Variants in EPHA3 observed in about 807,000 individuals in gnomAD.
EPHA3 encodes the protein EPH receptor A3.
A neutral mutation model predicts 107.1 loss-of-function variants in EPHA3; 42 were observed. That is an observed-to-expected ratio of 0.39 (90% CI 0.31 to 0.51). EPHA3 has a LOEUF of 0.51. EPHA3 is among the 20% of genes least tolerant of loss of function. The probability of loss-of-function intolerance (pLI) is 0.78; values close to 1 mark genes in which losing one functional copy is unlikely to be tolerated. For synonymous variants in EPHA3, 461 were observed against 424.8 expected (o/e 1.09, Z -1.05); for missense variants, 1,183 against 1,211.2 (o/e 0.98, Z 0.35).
chr3:89,457,087 T>G (rs1000808028), intron 15 of EPHA3, among the ~76,000 whole-genome samples: 4 of 152,172 alleles, frequency 2.6e-5, no homozygotes, highest in African/African-American at 9.6e-5. Context: ...GGTATTTGTA[T>G]GCAAAAGGGA....
intron 2 of EPHA3, among the ~76,000 whole-genome samples, chr3:89,160,411 G>C (rs547316283): frequency 1.5e-4 from 23 of 152,074 alleles, no homozygotes; most frequent in African/African-American, 5.5e-4. Context: ...AATAAAATGA[G>C]ACTTCATGTG....
intron 3 of EPHA3, among the ~76,000 whole-genome samples, chr3:89,274,600 G>T (rs994202127): frequency 6.6e-6 from 1 of 151,972 alleles, no homozygotes; most frequent in African/African-American, 2.4e-5. Flanking sequence ...ATGTTTAAAA[G>T]AGATATCGGT....
intron 3 of EPHA3, among the ~76,000 whole-genome samples, chr3:89,255,194 T>C (rs986763170): frequency 1.4e-4 from 22 of 152,238 alleles, no homozygotes; most frequent in African/African-American, 5.1e-4. Context: ...AGAAATATTT[T>C]ACCTCAAGAC....
chr3:89,323,972 C>G (rs1427917633), intron 3 of EPHA3, among the ~76,000 whole-genome samples: 1 of 151,532 alleles, frequency 6.6e-6, no homozygotes, highest in Non-Finnish European at 1.5e-5. Flanking sequence ...TTTTGCAGTA[C>G]AAATACTATA....
intron 3 of EPHA3, among the ~76,000 whole-genome samples, chr3:89,300,240 C>T (rs1462867815): frequency 6.6e-6 from 1 of 151,732 alleles, no homozygotes; most frequent in East Asian, 1.9e-4. Flanking sequence ...GATAGTATTA[C>T]TCCAGTTATA....
At chr3:89,342,911 G>A (rs1317160179) in intron 5 of EPHA3, among the ~76,000 whole-genome samples, 1 of 151,178 alleles carries the variant, frequency 6.6e-6, no homozygotes, top group Non-Finnish European at 1.5e-5. Flanking sequence ...TGGAGCCAAA[G>A]GGAGAGGGAA....
chr3:89,411,113 T>C (rs1050600494), intron 9 of EPHA3, among the ~76,000 whole-genome samples: 14 of 151,806 alleles, frequency 9.2e-5, no homozygotes, highest in African/African-American at 3.4e-4. Context: ...TATCAATACA[T>C]TGAGTGAGAA....
At chr3:89,287,920 T>G (rs1706127763) in intron 3 of EPHA3, among the ~76,000 whole-genome samples, 2 of 152,118 alleles carry the variant, frequency 1.3e-5, no homozygotes, top group Non-Finnish European at 2.9e-5. Flanking sequence ...CATCTTTTAT[T>G]TTTTCTGACA....
chr3:89,160,216 A>T (rs1704899490), intron 2 of EPHA3, among the ~76,000 whole-genome samples: 1 of 152,062 alleles, frequency 6.6e-6, no homozygotes, highest in South Asian at 2.1e-4. Context: ...ATCAGAATGG[A>T]TCTCACATTT....
chr3:89,290,501 A>G (rs78630252), intron 3 of EPHA3, among the ~76,000 whole-genome samples: 5 of 152,194 alleles, frequency 3.3e-5, no homozygotes, highest in African/African-American at 1.2e-4. Flanking sequence ...ATAGTAAGTT[A>G]TGAAAAAGGA....
chr3:89,410,330 T>C (rs1238264721), intron 9 of EPHA3, among the ~76,000 whole-genome samples: 2 of 152,018 alleles, frequency 1.3e-5, no homozygotes, highest in African/African-American at 2.4e-5. Flanking sequence ...ATATATTCTC[T>C]ACAAGCTGAC....
At chr3:89,145,039 C>A (rs1426306953) in intron 2 of EPHA3, among the ~76,000 whole-genome samples, 2 of 151,596 alleles carry the variant, frequency 1.3e-5, no homozygotes, top group Non-Finnish European at 1.5e-5. Flanking sequence ...AATTTACCCT[C>A]ATAAAATAAG....
At chr3:89,413,298 A>G in intron 10 of EPHA3, 32 bp downstream of exon 10, 2 of 1,610,316 alleles carry the variant, frequency 1.2e-6, no homozygotes, top group Non-Finnish European at 1.7e-6. Flanking sequence ...CCAACTTAGT[A>G]CTGTATGTGA....
chr3:89,397,641 T>A (rs1297287294), intron 6 of EPHA3, among the ~76,000 whole-genome samples: 1 of 147,682 alleles, frequency 6.8e-6, no homozygotes, highest in Non-Finnish European at 1.5e-5. Flanking sequence ...TGGAGTGCAA[T>A]GGCATGATCT....
chr3:89,220,110 A>G (rs1316415386), intron 3 of EPHA3, among the ~76,000 whole-genome samples: 1 of 152,136 alleles, frequency 6.6e-6, no homozygotes, highest in Non-Finnish European at 1.5e-5. Flanking sequence ...TGCACAGGGC[A>G]ATGTTTATAG....
chr3:89,334,979 TA>T (rs1707362644), intron 3 of EPHA3, among the ~76,000 whole-genome samples: 1 of 152,160 alleles, frequency 6.6e-6, no homozygotes, highest in Non-Finnish European at 1.5e-5. Flanking sequence ...AAGTGACATA[TA>T]AAAACGTATC....
intron 10 of EPHA3, among the ~76,000 whole-genome samples, chr3:89,413,504 A>C (rs1332492179): frequency 1.3e-5 from 2 of 151,724 alleles, no homozygotes; most frequent in African/African-American, 4.8e-5. Flanking sequence ...AGCAGCAACA[A>C]CTCAATCTTC....
At chr3:89,417,001 T>C (rs1446454499) in intron 10 of EPHA3, among the ~76,000 whole-genome samples, 1 of 151,518 alleles carries the variant, frequency 6.6e-6, no homozygotes, top group African/African-American at 2.4e-5. Flanking sequence ...TATTCATTTG[T>C]CAGTTTGATT....
At chr3:89,173,177 T>A (rs1335994044) in intron 2 of EPHA3, among the ~76,000 whole-genome samples, 1 of 152,146 alleles carries the variant, frequency 6.6e-6, no homozygotes, top group African/African-American at 2.4e-5. Context: ...CATGTAACTC[T>A]AAGTAGAGAT....
Sources: allele counts gnomAD v4.1 joint callset (sites outside exome capture counted in the v4.1 genomes callset), GRCh38; gene constraint gnomAD v4.1.1; transcripts MANE v1.5; gene names NCBI Gene and HGNC (gene_info 2026-07-23, HGNC 2026-07-21).